TRAK1: variants seen among roughly 807,000 people sequenced by gnomAD.
The protein encoded by TRAK1 is trafficking kinesin protein 1.
A neutral mutation model predicts 92.1 loss-of-function variants in TRAK1; 33 were observed. The ratio of observed to expected loss-of-function variants is 0.36; its 90% CI spans 0.27 to 0.48. TRAK1 has a LOEUF of 0.48. Among genes scored for constraint, TRAK1 ranks in the 20% least tolerant of loss-of-function variants. The pLI, the probability that TRAK1 is intolerant of heterozygous loss-of-function variation, is 0.99. For missense variants in TRAK1, 1,123 were observed against 1,257.9 expected (o/e 0.89, Z 1.62); for synonymous variants, 521 against 517.3 (o/e 1.01, Z -0.10).
intron 1 of TRAK1, among the ~76,000 whole-genome samples, chr3:42,045,424 A>G (rs1284829706): frequency 6.6e-6 from 1 of 152,154 alleles, no homozygotes; most frequent in African/African-American, 2.4e-5. Context: ...AATCCCAGCT[A>G]CTAGGGAGGC....
At chr3:42,197,000 TCTCACACACACACA>T (rs1218051006) in intron 10 of TRAK1, among the ~76,000 whole-genome samples, 56 of 131,164 alleles carry the variant, frequency 4.3e-4, no homozygotes, top group Non-Finnish European at 6.5e-4. Context: ...TCTCTCTCTC[TCTCACACACACACA>T]CACACACACA....
intron 2 of TRAK1, among the ~76,000 whole-genome samples, chr3:42,161,352 A>C (rs566760133): frequency 6.6e-6 from 1 of 152,248 alleles, no homozygotes; most frequent in East Asian, 1.9e-4. Context: ...AGGATGGTCT[A>C]TTTTCCTGTC....
intron 9 of TRAK1, among the ~76,000 whole-genome samples, chr3:42,194,527 T>A (rs1020554964): frequency 6.6e-6 from 1 of 152,196 alleles, no homozygotes; most frequent in Non-Finnish European, 1.5e-5. Context: ...TAAGCCATCA[T>A]TCCTAGCCTG....
At chr3:42,128,600 CTTTTAT>C (rs1288302069) in intron 2 of TRAK1, among the ~76,000 whole-genome samples, 1 of 152,288 alleles carries the variant, frequency 6.6e-6, no homozygotes, top group Admixed American at 6.5e-5. Flanking sequence ...AAAAAAATTA[CTTTTAT>C]TTTTATTAAC....
chr3:42,055,058 T>TA (rs1277270624), intron 1 of TRAK1, among the ~76,000 whole-genome samples: 1 of 152,024 alleles, frequency 6.6e-6, no homozygotes, highest in East Asian at 1.9e-4. Flanking sequence ...TAGCTGGATT[T>TA]ACAGGCATGT....
chr3:42,212,599 A>G (rs186487476), intron 14 of TRAK1: 10,116 of 932,272 alleles, frequency 0.011, 63 homozygotes, highest in Non-Finnish European at 0.012. Context: ...AATTTAGATG[A>G]TTAAAATGGA....
chr3:42,204,197 CCTTA>C (rs1239540478), intron 13 of TRAK1: 19 of 985,604 alleles, frequency 1.9e-5, no homozygotes, highest in South Asian at 4.7e-5. Flanking sequence ...TTACTTTCTG[CCTTA>C]CTTTTCTTTT....
At chr3:42,034,252 C>T (rs1559712207) in intron 1 of TRAK1, among the ~76,000 whole-genome samples, 2 of 152,226 alleles carry the variant, frequency 1.3e-5, no homozygotes, top group African/African-American at 4.8e-5. Context: ...ATCAATCCAG[C>T]ATGGTGACCC....
chr3:42,218,382 G>C, intron 14 of TRAK1: 1 of 951,244 alleles, frequency 1.1e-6, no homozygotes, highest in Non-Finnish European at 1.2e-6. Flanking sequence ...CATGGCCTCT[G>C]AAATCTGAAT....
intron 1 of TRAK1, among the ~76,000 whole-genome samples, chr3:42,081,978 C>T (rs1704458309): frequency 6.6e-6 from 1 of 152,226 alleles, no homozygotes; most frequent in Non-Finnish European, 1.5e-5. Context: ...TTCTGAATAG[C>T]TTTGCCAGTT....
intron 15 of TRAK1, among the ~76,000 whole-genome samples, chr3:42,222,447 A>G (rs1373558573): frequency 1.3e-5 from 2 of 152,270 alleles, no homozygotes; most frequent in East Asian, 3.9e-4. Context: ...ACCCTTCCTA[A>G]GATAAGGAGT....
chr3:42,160,567 T>G (rs1203833369), intron 2 of TRAK1: 2 of 1,292,008 alleles, frequency 1.5e-6, no homozygotes, highest in East Asian at 2.7e-5. Flanking sequence ...TGTTTTGTTT[T>G]TGTTTTTTTT....
intron 2 of TRAK1, among the ~76,000 whole-genome samples, chr3:42,170,227 C>T (rs1471882365): frequency 6.6e-6 from 1 of 152,158 alleles, no homozygotes; most frequent in African/African-American, 2.4e-5. Flanking sequence ...AAGCTACAAG[C>T]TTTTAACAAA....
At chr3:42,210,908 G>A (rs1396218183) in intron 14 of TRAK1, 1 of 985,164 alleles carries the variant, frequency 1.0e-6, no homozygotes, top group South Asian at 4.7e-5. Flanking sequence ...CATTCCAGTT[G>A]CCACTGGGAT....
chr3:42,194,905 G>A lies in TRAK1; in HGVS notation c.1077G>A (p.Thr359=), dbSNP rs746442830. Residue 359 remains threonine, a synonymous_variant, in exon 10 of 16, where the codon ACG becomes ACA. Transcript: ENST00000327628. The stretch of plus-strand genomic sequence containing the variant: ...GGAACAAAACCATGCCCAATACCAC[G>A]TCTCGGCGCTACCACTCACTGGGCC... ...NLRNKTMPNT[T]SRRYHSLGLF... The A allele has an allele frequency of 5.6e-6, 9 of 1,613,832 alleles. No individual in the cohort carries two copies. The highest frequency in any genetic ancestry group is 2.2e-5 in the South Asian group (2 of 91,022).
intron 2 of TRAK1, among the ~76,000 whole-genome samples, chr3:42,176,257 G>A (rs1008329423): frequency 1.8e-4 from 27 of 152,124 alleles, no homozygotes; most frequent in Non-Finnish European, 4.4e-5. Flanking sequence ...AGTTTTCATG[G>A]TATGGAGCTG....
intron 1 of TRAK1, among the ~76,000 whole-genome samples, chr3:42,110,018 T>C (rs1269609520): frequency 7.0e-6 from 1 of 143,870 alleles, no homozygotes; most frequent in Non-Finnish European, 1.5e-5. Flanking sequence ...AGTTAATGGG[T>C]GCAGCACACC....
At chr3:42,160,127 T>G in intron 2 of TRAK1, 9 of 437,502 alleles carry the variant, frequency 2.1e-5, no homozygotes, top group African/African-American at 2.9e-5. Flanking sequence ...ACCCCGCCCC[T>G]CCTCCAGGCT....
chr3:42,152,505 C>T (rs1700070731), intron 2 of TRAK1, among the ~76,000 whole-genome samples: 1 of 152,156 alleles, frequency 6.6e-6, no homozygotes, highest in African/African-American at 2.4e-5. Context: ...ATTAAAAAAG[C>T]AGATTCTCAG....
Sources: allele counts gnomAD v4.1 joint callset (sites outside exome capture counted in the v4.1 genomes callset), GRCh38; gene constraint gnomAD v4.1.1; transcripts MANE v1.5; gene names NCBI Gene and HGNC (gene_info 2026-07-23, HGNC 2026-07-21).